SCN11A: variants seen among roughly 807,000 people sequenced by gnomAD.
The protein encoded by SCN11A is sodium channel protein type 11 subunit alpha.
A neutral mutation model predicts 162.2 loss-of-function variants in SCN11A; 122 were observed. The observed-to-expected ratio is 0.75, with a 90% CI of 0.65 to 0.87. SCN11A has a LOEUF of 0.87. SCN11A is among the 40% of genes least tolerant of loss of function. The probability of loss-of-function intolerance (pLI) is 0.00; values close to 1 mark genes in which losing one functional copy is unlikely to be tolerated. For missense variants in SCN11A, 2,015 were observed against 2,181.6 expected (o/e 0.92, Z 1.52); for synonymous variants, 758 against 751.5 (o/e 1.01, Z -0.14).
chr3:39,051,724 G>A (rs1575376960), intron 1 of SCN11A, among the ~76,000 whole-genome samples, 137 bp downstream of exon 1: 1 of 152,112 alleles, frequency 6.6e-6, no homozygotes, highest in Non-Finnish European at 1.5e-5. Context: ...GGCCTCTCGG[G>A]GAGGGCGCGG....
chr3:38,867,192 G>T, intron 27 of SCN11A, 129 bp downstream of exon 27: 1 of 797,690 alleles, frequency 1.3e-6, no homozygotes, highest in Non-Finnish European at 2.0e-6. Context: ...GACATGGGAG[G>T]CTCCCTCCTT....
At position 38,888,813 on chromosome 3, in the gene SCN11A, C is replaced by A. The variant is rs979213468; in HGVS notation, c.2836-2575G>T. On this transcript the variant is annotated intron_variant, in intron 19 of 29. Coordinates refer to ENST00000302328, the MANE Select transcript of SCN11A (RefSeq NM_001349253.2). ...TTAAGCCATGATCTGACCTCTCCCC[C>A]CATCCCTTCCAGCCAAGTTTTATGG... Among the ~76,000 whole-genome samples the A allele has an allele frequency of 2.0e-5, 3 of 152,100 alleles. 1 individual carries two copies. Among genetic ancestry groups the A allele is most frequent in the Non-Finnish European group, 4.4e-5 (3 of 68,026 alleles).
chr3:38,936,184 A>C (rs1364326621), intron 7 of SCN11A, among the ~76,000 whole-genome samples: 2 of 151,978 alleles, frequency 1.3e-5, no homozygotes, highest in Non-Finnish European at 2.9e-5. Flanking sequence ...TCATGCTAAA[A>C]ACTCTCAATA....
At chr3:38,912,438 C>T (rs910171911) in intron 11 of SCN11A, among the ~76,000 whole-genome samples, 1 of 152,026 alleles carries the variant, frequency 6.6e-6, no homozygotes, top group Non-Finnish European at 1.5e-5. Context: ...CACCAACATC[C>T]CCTCTTCAAT....
At chr3:38,957,718 A>T (rs1427046108) in intron 3 of SCN11A, among the ~76,000 whole-genome samples, 1 of 152,210 alleles carries the variant, frequency 6.6e-6, no homozygotes, top group Admixed American at 6.5e-5. Context: ...CACCTAGGAG[A>T]GAGGACTAAG....
chr3:39,039,358 T>C (rs533640925), intron 1 of SCN11A, among the ~76,000 whole-genome samples: 38 of 152,312 alleles, frequency 2.5e-4, no homozygotes, highest in Middle Eastern at 3.4e-3. Context: ...GGTTTTAAAA[T>C]ACATCCACAA....
chr3:38,947,236 T>C (rs957157054), intron 5 of SCN11A, among the ~76,000 whole-genome samples: 4 of 152,230 alleles, frequency 2.6e-5, no homozygotes, highest in Non-Finnish European at 4.4e-5. Flanking sequence ...ATTCAGCAGA[T>C]TATTTTAAAT....
At chr3:38,947,198 GA>G (rs2066531590) in intron 5 of SCN11A, among the ~76,000 whole-genome samples, 1 of 152,196 alleles carries the variant, frequency 6.6e-6, no homozygotes, top group African/African-American at 2.4e-5. Flanking sequence ...AGAACTTGAA[GA>G]GGCAGAAATT....
chr3:39,030,297 G>A (rs1187574434), intron 2 of SCN11A, among the ~76,000 whole-genome samples: 1 of 152,212 alleles, frequency 6.6e-6, no homozygotes, highest in Non-Finnish European at 1.5e-5. Flanking sequence ...ACCTGGTCGT[G>A]ATGGCTGGAG....
chr3:38,885,300 A>G lies in SCN11A; in HGVS notation c.3052T>C (p.Cys1018Arg). 6.2e-7 allele frequency: 1 copy of G among 1,603,702 alleles called. No individual in the cohort carries two copies. The highest frequency in any genetic ancestry group is 8.5e-7 in the Non-Finnish European group (1 of 1,170,532). The stretch of plus-strand genomic sequence containing the variant: ...TACTGCCACTTACCTTTGGGCAAAC[A>G]TCTCTCTGGTTGCTTTTTGGGAACC... ...EMVPKKQPER[C>R]LPKGFGCCFP... Residue 1018 changes from cysteine to arginine, a missense_variant, in exon 21 of 30, where the codon TGT (cysteine) becomes CGT (arginine). By Grantham distance (180) the Cys-to-Arg change is radical (BLOSUM62 -3). Transcript: ENST00000302328.
At chr3:38,994,533 T>C (rs1416962293) in intron 2 of SCN11A, among the ~76,000 whole-genome samples, 1 of 152,192 alleles carries the variant, frequency 6.6e-6, no homozygotes, top group Non-Finnish European at 1.5e-5. Flanking sequence ...TGGTATATTA[T>C]GATTCCTCCC....
chr3:38,936,870 ACTTT>A (rs2066340943), intron 7 of SCN11A, among the ~76,000 whole-genome samples: 1 of 152,180 alleles, frequency 6.6e-6, no homozygotes, highest in Non-Finnish European at 1.5e-5. Context: ...GGAAAAAACT[ACTTT>A]AAAGTTCATA....
At chr3:38,889,420 C>T (rs534445021) in intron 19 of SCN11A, among the ~76,000 whole-genome samples, 12 of 148,192 alleles carry the variant, frequency 8.1e-5, no homozygotes, top group Admixed American at 1.3e-4. Flanking sequence ...AGCAAAACTC[C>T]GCCTCAAAAA....
intron 2 of SCN11A, among the ~76,000 whole-genome samples, chr3:38,993,484 T>C (rs1308690315): frequency 2.0e-5 from 3 of 152,206 alleles, no homozygotes; most frequent in Non-Finnish European, 4.4e-5. Flanking sequence ...AATCACATAC[T>C]TTCATACTAA....
rs75903359 is a variant in SCN11A, at chr3:38,950,888, G to A, written c.-7-519C>T. Among the ~76,000 whole-genome samples the A allele has an allele frequency of 3.8e-3, 578 of 152,316 alleles. 3 individuals are homozygous for A. Among genetic ancestry groups the A allele is most frequent in the African/African-American group, 0.013 (535 of 41,572 alleles). On this transcript the variant is annotated intron_variant, in intron 4 of 29. Transcript: ENST00000302328. ...AAGTTCTTAAAATGTGATGAAATGG[G>A]AACAAAAGAGCCATAAACATAGGCA...
At chr3:38,886,763 C>T (rs957360063) in intron 19 of SCN11A, among the ~76,000 whole-genome samples, 6 of 151,960 alleles carry the variant, frequency 3.9e-5, no homozygotes, top group African/African-American at 1.5e-4. Flanking sequence ...AAACAGGAAA[C>T]TAAAAGACAT....
At chr3:38,924,973 C>T (rs2066114458) in intron 9 of SCN11A, among the ~76,000 whole-genome samples, 1 of 152,006 alleles carries the variant, frequency 6.6e-6, no homozygotes, top group Non-Finnish European at 1.5e-5. Context: ...ACCTTCAAAT[C>T]TCTGCCACCT....
chr3:38,865,380 C>T (rs773369639), intron 27 of SCN11A, among the ~76,000 whole-genome samples: 4 of 152,144 alleles, frequency 2.6e-5, no homozygotes, highest in Non-Finnish European at 4.4e-5. Flanking sequence ...AGAGAGGATG[C>T]TACATCACAC....
chr3:38,872,757 T>A (rs1157533777), intron 23 of SCN11A, among the ~76,000 whole-genome samples: 1 of 152,140 alleles, frequency 6.6e-6, no homozygotes, highest in African/African-American at 2.4e-5. Context: ...TACATTGACA[T>A]GTTTAGGGGT....
Sources: allele counts gnomAD v4.1 joint callset (sites outside exome capture counted in the v4.1 genomes callset), GRCh38; gene constraint gnomAD v4.1.1; transcripts MANE v1.5; gene names NCBI Gene and HGNC (gene_info 2026-07-23, HGNC 2026-07-21).